The following CXXC5 variants were observed in gnomAD, a reference collection of about 807,000 sequenced individuals.
CXXC5 encodes CXXC-type zinc finger protein 5.
In CXXC5, 2 loss-of-function variants were observed where a neutral mutation model predicts 17.6. The observed-to-expected ratio is 0.11, with a 90% confidence interval of 0.05 to 0.36. The LOEUF is 0.36. Among genes scored for constraint, CXXC5 ranks in the 10% least tolerant of loss-of-function variants. The probability of loss-of-function intolerance (pLI) is 1.00; values close to 1 mark genes in which losing one functional copy is unlikely to be tolerated. For synonymous variants in CXXC5, 171 were observed against 193.0 expected (o/e 0.89, Z 0.94); for missense variants, 343 against 458.3 (o/e 0.75, Z 2.30).
intron 1 of CXXC5, among the ~76,000 whole-genome samples, chr5:139,650,248 C>G (rs1315641998): frequency 6.6e-6 from 1 of 152,158 alleles, no homozygotes; most frequent in Non-Finnish European, 1.5e-5. Context: ...CAACCGCGCC[C>G]TCCTTTGCCC....
intron 1 of CXXC5, among the ~76,000 whole-genome samples, chr5:139,654,027 G>A (rs1755352658): frequency 6.6e-6 from 1 of 152,162 alleles, no homozygotes; most frequent in African/African-American, 2.4e-5. Context: ...CACTAGGGCA[G>A]GGCTGGTGTT....
At chr5:139,673,221 G>T (rs1756578106) in intron 1 of CXXC5, among the ~76,000 whole-genome samples, 1 of 152,202 alleles carries the variant, frequency 6.6e-6, no homozygotes, top group Non-Finnish European at 1.5e-5. Flanking sequence ...ATGAGATAAA[G>T]CATGGACAGT....
intron 1 of CXXC5, among the ~76,000 whole-genome samples, chr5:139,659,338 C>G (rs1755655741): frequency 6.6e-6 from 1 of 152,174 alleles, no homozygotes; most frequent in African/African-American, 2.4e-5. Context: ...GTTTCCTCCA[C>G]TGGTCTCCTG....
At position 139,648,379 on chromosome 5, in the gene CXXC5, G is replaced by T. The variant is rs561438078; in HGVS notation, c.-627G>T. 1,210 of 158,268 alleles carry T rather than the reference G, an allele frequency of 7.6e-3. 14 individuals carry two copies. The highest frequency in any genetic ancestry group is 0.029 in the Middle Eastern group (9 of 314). 9.8% of individuals were successfully genotyped at this position (158,268 alleles called of 1,614,324 possible). On this transcript the variant is annotated 5_prime_UTR_variant, in exon 1 of 3. Coordinates refer to ENST00000302517, the MANE Select transcript of CXXC5 (RefSeq NM_016463.9). Reference sequence around the variant, plus strand: ...CGGCAGAGGCGGCTGAGCCTGAGCGGGGATGTAGAGGCGGCGGCAGCAGAG... The same window carrying T: ...CGGCAGAGGCGGCTGAGCCTGAGCGTGGATGTAGAGGCGGCGGCAGCAGAG...
chr5:139,664,637 T>C (rs1210505852), intron 1 of CXXC5, among the ~76,000 whole-genome samples: 2 of 152,198 alleles, frequency 1.3e-5, no homozygotes, highest in Admixed American at 6.5e-5. Flanking sequence ...CTGCGTGCTC[T>C]CTGAGGCAGG....
In CXXC5 at chr5:139,680,709, C is replaced by T. The variant is rs369445056; in HGVS notation, c.186C>T (p.Ser62=). The T allele has an allele frequency of 1.6e-5, 26 of 1,613,318 alleles. No individual in the cohort carries two copies. In the African/African-American group the frequency reaches 2.0e-4, roughly 12 times the overall value. Residue 62 remains serine (S), a synonymous_variant, in exon 2 of 3, where the codon AGC becomes AGT. Transcript: ENST00000302517. ...CACCCCCCGAGCGTCGGAACAAGAGCGGTATCATCAGTGAGCCCCTCAACA... is the reference window on the plus strand; with the variant it reads ...CACCCCCCGAGCGTCGGAACAAGAGTGGTATCATCAGTGAGCCCCTCAACA... ...DTPPPERRNK[S]GIISEPLNKS...
intron 1 of CXXC5, chr5:139,659,637 T>C (rs1474639922): frequency 6.6e-6 from 1 of 152,156 alleles, no homozygotes; most frequent in Non-Finnish European, 1.5e-5. Flanking sequence ...GTTTCATCGG[T>C]CGAGGCAAGT....
chr5:139,678,787 CGT>C (rs1047092112), intron 1 of CXXC5, among the ~76,000 whole-genome samples: 1 of 152,188 alleles, frequency 6.6e-6, no homozygotes, highest in African/African-American at 2.4e-5. Context: ...AAGCCCAGGG[CGT>C]GATGGGGCCC....
intron 1 of CXXC5, among the ~76,000 whole-genome samples, chr5:139,677,168 T>A (rs1430163922): frequency 6.6e-6 from 1 of 152,022 alleles, no homozygotes. Flanking sequence ...GTATTTCTTT[T>A]TGGGGGCTGG....
At chr5:139,678,659 T>C (rs1757002385) in intron 1 of CXXC5, among the ~76,000 whole-genome samples, 2 of 152,214 alleles carry the variant, frequency 1.3e-5, no homozygotes, top group African/African-American at 4.8e-5. Flanking sequence ...GGGCCTCAGT[T>C]TCCCCCTCTG....
intron 1 of CXXC5, among the ~76,000 whole-genome samples, chr5:139,678,655 C>T (rs1219450283): frequency 1.3e-5 from 2 of 152,210 alleles, no homozygotes. Flanking sequence ...CTTGGGGCCT[C>T]AGTTTCCCCC....
intron 1 of CXXC5, among the ~76,000 whole-genome samples, chr5:139,669,626 TAGCCTGTCTTCCC>T (rs1362302339): frequency 1.3e-5 from 2 of 152,092 alleles, no homozygotes; most frequent in African/African-American, 4.8e-5. Context: ...TCATGGACAT[TAGCCTGTCTTCCC>T]AGCCTTGTGT....
At chr5:139,672,888 C>G (rs1328694146) in intron 1 of CXXC5, among the ~76,000 whole-genome samples, 1 of 152,180 alleles carries the variant, frequency 6.6e-6, no homozygotes, top group Non-Finnish European at 1.5e-5. Context: ...TATGCCTCCC[C>G]CAACCCCAGA....
In CXXC5 at chr5:139,680,380, C is replaced by A; in HGVS notation, c.-144C>A. The A allele has an allele frequency of 8.2e-7, 1 of 1,218,072 alleles. No individual in the cohort carries two copies. The highest frequency in any genetic ancestry group is 1.1e-6 in the Non-Finnish European group (1 of 900,872). 75.5% of individuals were successfully genotyped at this position (1,218,072 alleles called of 1,614,324 possible). On this transcript the variant is annotated 5_prime_UTR_variant, in exon 2 of 3. Transcript: ENST00000302517. ...TTGTGACAGAGTGAAGACATTTCCA[C>A]CTGGACACCTGACCATGTGCCTGCC...
chr5:139,680,699 G>C lies in CXXC5; in HGVS notation c.176G>C (p.Arg59Pro). 1 of 1,613,404 alleles carries C rather than the reference G, an allele frequency of 6.2e-7. No homozygotes were observed. Among genetic ancestry groups the C allele is most frequent in the Non-Finnish European group, 8.5e-7 (1 of 1,180,024 alleles). ...GATGACACACCACCCCCCGAGCGTC[G>C]GAACAAGAGCGGTATCATCAGTGAG... ...VADDTPPPERRNKSGIISEPL... is the reference protein window; with the variant it reads ...VADDTPPPERPNKSGIISEPL... The change falls in exon 2 of 3, where the codon CGG (arginine) becomes CCG (proline). Residue 59 changes from arginine to proline, a missense_variant. Coordinates refer to ENST00000302517, the MANE Select transcript of CXXC5 (RefSeq NM_016463.9).
chr5:139,668,945 C>T lies in CXXC5; in HGVS notation c.-160-11419C>T, dbSNP rs894732862. Among the ~76,000 whole-genome samples, 1 of 152,090 alleles carries T rather than the reference C, an allele frequency of 6.6e-6. No individual in the cohort carries two copies. Among genetic ancestry groups the T allele is most frequent in the Non-Finnish European group, 1.5e-5 (1 of 67,992 alleles). On this transcript the variant is annotated intron_variant, in intron 1 of 2. Transcript: ENST00000302517. The surrounding 1 kb of genome is among the most constrained non-coding windows in gnomAD (Gnocchi z 4.1). The stretch of plus-strand genomic sequence containing the variant: ...TGAATTTGGGATTTAGGGAGCTGGG[C>T]TTTGTATACCCCTCCCAGTCTCCTC...
At position 139,681,453 on chromosome 5, in the gene CXXC5, G is replaced by C; in HGVS notation, c.924+6G>C. On this transcript the variant is annotated splice_donor_region_variant and intron_variant, in intron 2 of 2. Transcript: ENST00000302517. ...AGCCTTCCGCTGCTCTGGAGGTAAC[G>C]GCGCCTTAGAGGGAGGTGTGTGGGC... 2 of 1,554,074 alleles carry C rather than the reference G, an allele frequency of 1.3e-6. No homozygotes were observed. Among genetic ancestry groups the C allele is most frequent in the Admixed American group, 1.8e-5 (1 of 54,172 alleles).
intron 1 of CXXC5, chr5:139,649,757 G>C (rs1207871676): frequency 1.3e-5 from 2 of 152,402 alleles, no homozygotes; most frequent in African/African-American, 2.4e-5. Flanking sequence ...GCGGAACTGT[G>C]GGGGGCGTAC....
At chr5:139,651,837 C>T (rs1428603137) in intron 1 of CXXC5, among the ~76,000 whole-genome samples, 1 of 152,156 alleles carries the variant, frequency 6.6e-6, no homozygotes. Flanking sequence ...AAGCATGATG[C>T]TCTGGGGCAT....
Sources: allele counts gnomAD v4.1 joint callset (sites outside exome capture counted in the v4.1 genomes callset), GRCh38; gene constraint gnomAD v4.1.1; non-coding constraint Gnocchi (gnomAD v3.1); transcripts MANE v1.5; gene names NCBI Gene and HGNC (gene_info 2026-07-23, HGNC 2026-07-21).